The following RAB30 variants were observed in gnomAD, a reference collection of about 807,000 sequenced individuals.
RAB30 encodes the protein ras-related protein Rab-30.
A neutral mutation model predicts 25.1 loss-of-function variants in RAB30; 9 were observed. The observed-to-expected ratio is 0.36, with a 90% CI of 0.22 to 0.63. The LOEUF (loss-of-function observed/expected upper bound fraction) is 0.63. RAB30 is among the 20% of genes least tolerant of loss of function. The pLI, the probability that RAB30 is intolerant of heterozygous loss-of-function variation, is 0.69. For synonymous variants in RAB30, 77 were observed against 86.4 expected, an observed-to-expected ratio of 0.89 and a Z score of 0.60; for missense variants, 140 against 243.5, an observed-to-expected ratio of 0.58 and a Z score of 2.83.
intron 1 of RAB30, among the ~76,000 whole-genome samples, chr11:83,057,097 C>T (rs1313619905): frequency 1.3e-5 from 2 of 151,996 alleles, no homozygotes; most frequent in Non-Finnish European, 2.9e-5. Context: ...GAAATTTTGT[C>T]ACTTCAAAGG....
chr11:83,005,788 TGAA>T (rs1012124363), intron 1 of RAB30, among the ~76,000 whole-genome samples: 1 of 151,968 alleles, frequency 6.6e-6, no homozygotes, highest in Non-Finnish European at 1.5e-5. Flanking sequence ...ACAATAAAAA[TGAA>T]GAACTGACTG....
intron 1 of RAB30, among the ~76,000 whole-genome samples, chr11:83,019,365 T>C (rs913598191): frequency 1.3e-5 from 2 of 152,238 alleles, no homozygotes; most frequent in Non-Finnish European, 2.9e-5. Flanking sequence ...TGTATTTATG[T>C]TCAGCAAAAG....
intron 1 of RAB30, chr11:83,071,362 G>GC (rs1858842287): frequency 6.6e-6 from 1 of 152,244 alleles, no homozygotes; most frequent in African/African-American, 2.4e-5. Flanking sequence ...TGACAGGACT[G>GC]CAGTCCCCCA....
intron 2 of RAB30, among the ~76,000 whole-genome samples, chr11:82,995,623 C>T (rs1305912392): frequency 6.6e-6 from 1 of 151,924 alleles, no homozygotes; most frequent in Non-Finnish European, 1.5e-5. Flanking sequence ...ACATAAAAGA[C>T]AAATAAGAAA....
At chr11:82,985,714 CTTTTTTTTTT>C (rs60932116) in intron 4 of RAB30, among the ~76,000 whole-genome samples, 3 of 128,920 alleles carry the variant, frequency 2.3e-5, no homozygotes, top group African/African-American at 8.4e-5. Flanking sequence ...CCTTACTTGG[CTTTTTTTTTT>C]TTTTTTTTTA....
intron 1 of RAB30, among the ~76,000 whole-genome samples, chr11:83,009,924 C>A (rs1857268619): frequency 6.6e-6 from 1 of 152,140 alleles, no homozygotes; most frequent in Non-Finnish European, 1.5e-5. Context: ...CAAAGATTTA[C>A]CTATTTACTT....
At chr11:83,039,515 C>CA (rs1449802614) in intron 1 of RAB30, among the ~76,000 whole-genome samples, 3 of 152,108 alleles carry the variant, frequency 2.0e-5, no homozygotes, top group African/African-American at 7.2e-5. Flanking sequence ...TCCATCTCTT[C>CA]AAAAAATACA....
chr11:83,063,002 C>CA (rs34529308), intron 1 of RAB30, among the ~76,000 whole-genome samples: 26,175 of 101,438 alleles, frequency 0.26, 3,192 homozygotes, highest in Non-Finnish European at 0.34. Context: ...GACTCCGTCT[C>CA]AAAAAAAAAA....
At chr11:83,023,178 C>T (rs11233427) in intron 1 of RAB30, among the ~76,000 whole-genome samples, 7,703 of 152,080 alleles carry the variant, frequency 0.051, 276 homozygotes, top group East Asian at 0.1. Flanking sequence ...GGAACCACTG[C>T]TTTACCCAAT....
rs183416946 is a variant in RAB30 at position 83,024,653 on chromosome 11, T to G, written c.-8-27329A>C. Among the ~76,000 whole-genome samples, 40 of 152,310 alleles carry G rather than the reference T, an allele frequency of 2.6e-4. No individual in the cohort carries two copies. In the East Asian group the frequency reaches 7.7e-3, roughly 29 times the overall value. ...GTAGACAGAAAAGCCTTAGAGGAAG[T>G]GGCATTTGAACAAGACCACAAAGGA... On this transcript the variant is annotated intron_variant, in intron 1 of 4. Transcript: ENST00000527633.
In RAB30 at chr11:82,977,412, A is replaced by G. The variant is rs1428963590; in HGVS notation, c.*4753T>C. On this transcript the variant is annotated 3_prime_UTR_variant, in exon 5 of 5. Coordinates refer to ENST00000527633, the MANE Select transcript of RAB30 (RefSeq NM_001286060.2). ...TTAATTGAACATGTTATGAGAGGCA[A>G]AGTACTACATACAACATGGAATTTA... 6.6e-6 allele frequency: 1 copy of G among 152,234 alleles called. No homozygotes were observed. Among genetic ancestry groups the G allele is most frequent in the East Asian group, 1.9e-4 (1 of 5,200 alleles). The allele number at this position is 152,234 out of a possible 1,614,324, so 9.4% of individuals were successfully genotyped here.
chr11:83,033,514 G>C (rs1006797848), intron 1 of RAB30, among the ~76,000 whole-genome samples: 1 of 152,130 alleles, frequency 6.6e-6, no homozygotes, highest in Admixed American at 6.5e-5. Flanking sequence ...GAGAACACTC[G>C]ATATGCCAAG....
rs568263013 is a variant in RAB30, at chr11:83,011,340, AATTTTGAG to A, written c.-8-14024_-8-14017del. Among the ~76,000 whole-genome samples, 132 of 152,358 alleles carry A rather than the reference AATTTTGAG, an allele frequency of 8.7e-4. 3 individuals carry two copies. In the South Asian group the frequency reaches 0.017, roughly 19 times the overall value. Reference sequence around the variant, plus strand: ...TTTAAAGCAGTTACAAAATCATTTCAATTTTGAGAAACCAGAGAACTTAATATAAATCT... The same window carrying A: ...TTTAAAGCAGTTACAAAATCATTTCAAAACCAGAGAACTTAATATAAATCT... On this transcript the variant is annotated intron_variant, in intron 1 of 4. Transcript: ENST00000527633.
At chr11:82,994,196 C>T (rs1856913270) in intron 2 of RAB30, 74 bp from the exon 3 acceptor site, 22 of 1,264,606 alleles carry the variant, frequency 1.7e-5, no homozygotes, top group Non-Finnish European at 2.4e-5. Flanking sequence ...TCTCCCCCAG[C>T]AACACCCATC....
chr11:82,999,166 T>C (rs760558710), intron 1 of RAB30, among the ~76,000 whole-genome samples: 10 of 152,248 alleles, frequency 6.6e-5, no homozygotes, highest in Non-Finnish European at 1.3e-4. Flanking sequence ...GCCCTTTATG[T>C]GTATTTCCAT....
intron 1 of RAB30, among the ~76,000 whole-genome samples, chr11:83,027,371 G>A (rs1169504157): frequency 6.6e-6 from 1 of 152,178 alleles, no homozygotes; most frequent in Non-Finnish European, 1.5e-5. Context: ...ACAGAAGGTA[G>A]AGTGCAAAGG....
chr11:83,001,447 G>T (rs978264616), intron 1 of RAB30, among the ~76,000 whole-genome samples: 1 of 152,138 alleles, frequency 6.6e-6, no homozygotes, highest in African/African-American at 2.4e-5. Flanking sequence ...CCAAAGTGCT[G>T]GGATTACAGG....
chr11:83,002,212 G>A (rs780394529), intron 1 of RAB30, among the ~76,000 whole-genome samples: 8 of 151,496 alleles, frequency 5.3e-5, no homozygotes, highest in South Asian at 2.1e-4. Flanking sequence ...TTGAACTACA[G>A]TGTTCTAGAA....
intron 1 of RAB30, among the ~76,000 whole-genome samples, chr11:83,007,485 C>T (rs772723176): frequency 7.2e-5 from 11 of 152,140 alleles, no homozygotes; most frequent in East Asian, 1.9e-4. Context: ...AAATACAAAA[C>T]GGATTTGGGA....
Sources: gnomAD v4.1 joint callset for allele counts (sites outside exome capture counted in the v4.1 genomes callset) on GRCh38, gnomAD v4.1.1 for gene constraint, MANE v1.5 for transcripts, NCBI Gene and HGNC (gene_info 2026-07-23, HGNC 2026-07-21) for gene names.